CHST9: variants seen among roughly 807,000 people sequenced by gnomAD.
CHST9 encodes the protein GalNAc-4-sulfotransferase 2.
Under a neutral mutation model 44.4 loss-of-function variants are expected in CHST9, and 41 were observed. The observed-to-expected ratio is 0.92, with a 90% CI of 0.72 to 1.20. CHST9 has a LOEUF of 1.20. Ranked by LOEUF, CHST9 falls within the 50% of genes most tolerant of loss-of-function variation. The pLI, the probability that CHST9 is intolerant of heterozygous loss-of-function variation, is 0.00. For synonymous variants in CHST9, 171 were observed against 178.4 expected (o/e 0.96, Z 0.33); for missense variants, 504 against 516.5 (o/e 0.98, Z 0.23).
rs545809041 is a variant in CHST9, at chr18:27,149,066, G to GTGTC, written c.-96-6165_-96-6162dup. ...CTGCATGAATGTCTTCCTTTGAGAAGTGTCTGTTCATATCCTTCACCCACT... is the reference window on the plus strand; with the variant it reads ...CTGCATGAATGTCTTCCTTTGAGAAGTGTCTGTCTGTTCATATCCTTCACCCACT... On this transcript the variant is annotated intron_variant, in intron 1 of 5. Coordinates refer to ENST00000618847, the MANE Select transcript of CHST9 (RefSeq NM_031422.6). Among the ~76,000 whole-genome samples the GTGTC allele has an allele frequency of 1.5e-5, 2 of 130,368 alleles. 1 individual carries two copies. Among genetic ancestry groups the GTGTC allele is most frequent in the Non-Finnish European group, 3.4e-5 (2 of 59,260 alleles). The allele number at this position is 130,368 out of a possible 152,430, so 85.5% of individuals were successfully genotyped here.
At chr18:26,973,027 C>T (rs1172350371) in intron 4 of CHST9, among the ~76,000 whole-genome samples, 3 of 152,130 alleles carry the variant, frequency 2.0e-5, no homozygotes, top group Non-Finnish European at 4.4e-5. Flanking sequence ...CTTCCAGCCT[C>T]GCGGACATTC....
intron 2 of CHST9, among the ~76,000 whole-genome samples, chr18:27,141,254 A>G (rs1026154174): frequency 3.3e-5 from 5 of 152,086 alleles, no homozygotes; most frequent in African/African-American, 1.2e-4. Context: ...AGTCCCAGCT[A>G]CTTGGGAGGC....
In CHST9 at chr18:26,914,755, T is replaced by A. The variant is rs1392591873; in HGVS notation, c.*1504A>T. The A allele has an allele frequency of 5.3e-5, 21 of 393,324 alleles. No individual in the cohort carries two copies. The Admixed American group carries it at 8.4e-4, about 16-fold the overall frequency. 24.4% of individuals were successfully genotyped at this position (393,324 alleles called of 1,614,324 possible). A position where few individuals can be genotyped will look rare whatever the true frequency, so the allele number is the denominator to read the frequency against. ...AATGAAATAAGTATGACTGCAACTA[T>A]CTTGGTCTATTAACATTCAACTATT... On this transcript the variant is annotated 3_prime_UTR_variant, in exon 6 of 6. Transcript: ENST00000618847.
intron 3 of CHST9, among the ~76,000 whole-genome samples, chr18:27,040,352 C>T (rs187095649): frequency 6.6e-6 from 1 of 152,240 alleles, no homozygotes; most frequent in Admixed American, 6.5e-5. Flanking sequence ...TTTAAATATG[C>T]TAGCTACACT....
chr18:27,010,327 G>GA (rs1394723181), intron 4 of CHST9, among the ~76,000 whole-genome samples: 3 of 152,102 alleles, frequency 2.0e-5, no homozygotes, highest in African/African-American at 7.2e-5. Context: ...AGTGACATAT[G>GA]AAAAAAACAG....
intron 5 of CHST9, among the ~76,000 whole-genome samples, chr18:26,931,222 A>G (rs984450525): frequency 3.9e-5 from 6 of 152,162 alleles, no homozygotes; most frequent in East Asian, 1.9e-4. Flanking sequence ...CCTCACTACA[A>G]TTCTGTAATC....
intron 5 of CHST9, among the ~76,000 whole-genome samples, chr18:26,917,683 GT>G (rs773917361): frequency 1.3e-5 from 2 of 152,092 alleles, no homozygotes; most frequent in Non-Finnish European, 2.9e-5. Flanking sequence ...TTCAAGTACT[GT>G]TTTAGTTTGT....
chr18:27,166,703 CATTTGCCT>C (rs2058793291), intron 1 of CHST9, among the ~76,000 whole-genome samples: 1 of 152,156 alleles, frequency 6.6e-6, no homozygotes, highest in Non-Finnish European at 1.5e-5. Flanking sequence ...AACTATTTTT[CATTTGCCT>C]ATGTAGGGGA....
chr18:27,083,408 G>A (rs2143688365), intron 2 of CHST9, among the ~76,000 whole-genome samples: 1 of 152,168 alleles, frequency 6.6e-6, no homozygotes, highest in Non-Finnish European at 1.5e-5. Flanking sequence ...GTATTACAAG[G>A]CTGATGTTCT....
chr18:26,951,412 G>A (rs911138147), intron 4 of CHST9, among the ~76,000 whole-genome samples: 1 of 152,136 alleles, frequency 6.6e-6, no homozygotes, highest in Admixed American at 6.5e-5. Flanking sequence ...CAGGTAACAG[G>A]CCCCTTTGAG....
Position 27,159,596 on chromosome 18 carries a change from G to A in CHST9, c.-96-16691C>T, listed in dbSNP as rs1474964503. Among the ~76,000 whole-genome samples, 9 of 152,106 alleles carry A rather than the reference G, an allele frequency of 5.9e-5. No individual in the cohort carries two copies. The East Asian group carries it at 1.2e-3, about 20-fold the overall frequency. On this transcript the variant is annotated intron_variant, in intron 1 of 5. Transcript: ENST00000618847. ...AGGATTGACTTGGCAATGCAGGCTC[G>A]TTTTTGGTTCCATATGAACTTTAAA...
chr18:27,070,978 C>T (rs1051902839), intron 2 of CHST9, among the ~76,000 whole-genome samples: 1 of 152,156 alleles, frequency 6.6e-6, no homozygotes, highest in African/African-American at 2.4e-5. Flanking sequence ...GGTCCTGTGG[C>T]CTCTCCGTGG....
At chr18:26,966,880 TA>T (rs35286743) in intron 4 of CHST9, among the ~76,000 whole-genome samples, 1,575 of 128,562 alleles carry the variant, frequency 0.012, 8 homozygotes, top group African/African-American at 0.022. Context: ...TTACTTTCTT[TA>T]AAAAAAAAAA....
chr18:26,981,326 A>C (rs1179863689), intron 4 of CHST9, among the ~76,000 whole-genome samples: 1 of 152,220 alleles, frequency 6.6e-6, no homozygotes, highest in African/African-American at 2.4e-5. Context: ...CCATGTAGAC[A>C]TGATGCTTAC....
At chr18:27,130,479 T>C (rs1278959641) in intron 2 of CHST9, among the ~76,000 whole-genome samples, 1 of 152,242 alleles carries the variant, frequency 6.6e-6, no homozygotes, top group African/African-American at 2.4e-5. Flanking sequence ...ATTAGAATTA[T>C]CATTGAACAC....
intron 2 of CHST9, among the ~76,000 whole-genome samples, chr18:27,095,855 C>T (rs1408432064): frequency 6.6e-6 from 1 of 152,096 alleles, no homozygotes; most frequent in Non-Finnish European, 1.5e-5. Flanking sequence ...CAATACCCCA[C>T]TAACAGCATT....
chr18:27,148,505 G>C (rs59834932), intron 1 of CHST9, among the ~76,000 whole-genome samples: 5,760 of 146,986 alleles, frequency 0.039, 366 homozygotes, highest in African/African-American at 0.13. Context: ...AGAACATGCG[G>C]TGTTTGGTTT....
intron 4 of CHST9, among the ~76,000 whole-genome samples, chr18:27,007,442 A>T (rs2057030121): frequency 6.6e-6 from 1 of 152,200 alleles, no homozygotes; most frequent in African/African-American, 2.4e-5. Flanking sequence ...CACTAATGGC[A>T]TATCAATAGG....
intron 3 of CHST9, among the ~76,000 whole-genome samples, chr18:27,042,750 A>T (rs995355925): frequency 2.0e-5 from 3 of 151,710 alleles, no homozygotes; most frequent in African/African-American, 7.3e-5. Context: ...TTAATGGCCT[A>T]AGGATTAAGC....
Sources: allele counts gnomAD v4.1 joint callset (sites outside exome capture counted in the v4.1 genomes callset), GRCh38; gene constraint gnomAD v4.1.1; transcripts MANE v1.5; gene names NCBI Gene and HGNC (gene_info 2026-07-23, HGNC 2026-07-21).